The following TRAPPC9 variants were observed in gnomAD, a reference collection of about 807,000 sequenced individuals.
TRAPPC9 encodes IKK2 binding protein.
In TRAPPC9, 83 loss-of-function variants were observed where a neutral mutation model predicts 124.0. That is an observed-to-expected ratio of 0.67 (90% CI 0.56 to 0.80). The LOEUF is 0.80. Among genes scored for constraint, TRAPPC9 ranks in the 30% least tolerant of loss-of-function variants. The pLI is 0.00. For synonymous variants in TRAPPC9, 638 were observed against 617.5 expected (o/e 1.03, Z -0.49); for missense variants, 1,302 against 1,508.3 (o/e 0.86, Z 2.27).
intron 6 of TRAPPC9, among the ~76,000 whole-genome samples, chr8:140,398,191 T>G (rs575396348): frequency 6.6e-6 from 1 of 152,358 alleles, no homozygotes; most frequent in Admixed American, 6.5e-5. Context: ...ACCTCTTTCT[T>G]TTGTAAATTG....
intron 11 of TRAPPC9, among the ~76,000 whole-genome samples, chr8:140,297,333 T>TAG: frequency 7.5e-6 from 1 of 133,044 alleles, no homozygotes; most frequent in Non-Finnish European, 1.7e-5. Context: ...CACACACTCA[T>TAG]ACACACACAT....
chr8:139,910,391 C>T (rs1175598737), intron 19 of TRAPPC9, 91 bp from the exon 20 acceptor site: 5 of 1,250,202 alleles, frequency 4.0e-6, no homozygotes, highest in Non-Finnish European at 4.7e-6. Context: ...GCGTGAGACA[C>T]TATAATGAAT....
intron 3 of TRAPPC9, among the ~76,000 whole-genome samples, chr8:140,437,083 C>G (rs765854254): frequency 4.9e-4 from 75 of 152,102 alleles, no homozygotes; most frequent in Non-Finnish European, 9.3e-4. Context: ...CCTGCCTCAC[C>G]CTCACAAGTA....
chr8:140,402,536 A>G (rs1173624690), intron 6 of TRAPPC9, among the ~76,000 whole-genome samples: 1 of 152,186 alleles, frequency 6.6e-6, no homozygotes, highest in African/African-American at 2.4e-5. Context: ...TCTACAAAAA[A>G]TACAAAAAAA....
chr8:140,290,984 G>A lies in TRAPPC9; in HGVS notation c.1854+9C>T. On this transcript the variant is annotated intron_variant, in intron 12 of 22. Coordinates refer to ENST00000438773, the MANE Select transcript of TRAPPC9 (RefSeq NM_001160372.4). ...AGCCCAAAAAGGTCAAATGATTGGTGATACATACCATGTTTTCAACTCGAA... is the reference window on the plus strand; with the variant it reads ...AGCCCAAAAAGGTCAAATGATTGGTAATACATACCATGTTTTCAACTCGAA... 1 of 1,612,730 alleles carries A rather than the reference G, an allele frequency of 6.2e-7. No individual in the cohort carries two copies.
Position 140,307,217 on chromosome 8 carries a change from G to A in TRAPPC9, c.1622+4031C>T, listed in dbSNP as rs374650012. Among the ~76,000 whole-genome samples, 6 of 152,290 alleles carry A rather than the reference G, an allele frequency of 3.9e-5. No individual in the cohort carries two copies. In the South Asian group the frequency reaches 6.2e-4, roughly 16 times the overall value. On this transcript the variant is annotated intron_variant, in intron 10 of 22. Transcript: ENST00000438773. Reference sequence around the variant, plus strand: ...GCAAGAGGATGTGAGGCCTGGAGGTGATGAGCCACTCTGATAGCACCTGGG... The same window carrying A: ...GCAAGAGGATGTGAGGCCTGGAGGTAATGAGCCACTCTGATAGCACCTGGG...
chr8:140,376,832 G>C (rs537795714), intron 7 of TRAPPC9, among the ~76,000 whole-genome samples: 1 of 148,282 alleles, frequency 6.7e-6, no homozygotes, highest in Non-Finnish European at 1.5e-5. Flanking sequence ...AACCGAGATC[G>C]CGCCACTGCA....
At chr8:139,766,243 C>T (rs1176528942) in intron 21 of TRAPPC9, among the ~76,000 whole-genome samples, 3 of 152,234 alleles carry the variant, frequency 2.0e-5, no homozygotes, top group Non-Finnish European at 2.9e-5. Context: ...GTGTCTGCCA[C>T]CTGCTCAGGC....
intron 5 of TRAPPC9, among the ~76,000 whole-genome samples, chr8:140,413,657 C>G (rs1032211349): frequency 9.9e-6 from 1 of 100,634 alleles, no homozygotes; most frequent in Non-Finnish European, 1.9e-5. Context: ...CTATCCCTCC[C>G]CCCTCCCCCC....
chr8:140,419,851 A>T (rs919865876), intron 5 of TRAPPC9, among the ~76,000 whole-genome samples: 2 of 152,038 alleles, frequency 1.3e-5, no homozygotes, highest in Non-Finnish European at 2.9e-5. Context: ...GCGCCACTGC[A>T]CTCCAGATCG....
chr8:139,732,216 G>A lies in TRAPPC9; in HGVS notation c.3056-14C>T, dbSNP rs748174342. 1.1e-5 allele frequency: 18 copies of A among 1,567,096 alleles called. No individual in the cohort carries two copies. The highest frequency in any genetic ancestry group is 3.4e-5 in the South Asian group (3 of 87,020). ...CCACCAGCACATCTGTAAGGGACAC[G>A]AGACTGTCGGGGGCTGGGCTGGCCT... On this transcript the variant is annotated splice_polypyrimidine_tract_variant and intron_variant, in intron 21 of 22. Coordinates refer to ENST00000438773, the MANE Select transcript of TRAPPC9 (RefSeq NM_001160372.4).
At chr8:140,406,535 G>C (rs1237297383) in intron 5 of TRAPPC9, among the ~76,000 whole-genome samples, 1 of 152,130 alleles carries the variant, frequency 6.6e-6, no homozygotes, top group Admixed American at 6.5e-5. Context: ...CCCCTGTGCA[G>C]CTCACTTCTT....
chr8:139,941,337 G>T lies in TRAPPC9; in HGVS notation c.2811-31037C>A, dbSNP rs1833909529. ...AGTAGTTTGTCCACTTCCCTGGAGGGCCGGCAGCCCCTAGCCAGGAAGTGG... is the reference window on the plus strand; with the variant it reads ...AGTAGTTTGTCCACTTCCCTGGAGGTCCGGCAGCCCCTAGCCAGGAAGTGG... On this transcript the variant is annotated intron_variant, in intron 19 of 22. Coordinates refer to ENST00000438773, the MANE Select transcript of TRAPPC9 (RefSeq NM_001160372.4). 2.0e-5 allele frequency among the ~76,000 whole-genome samples: 3 copies of T among 152,228 alleles called. No homozygotes were observed. The South Asian group carries it at 6.2e-4, about 32-fold the overall frequency.
chr8:139,753,947 C>A (rs1486011903), intron 21 of TRAPPC9, among the ~76,000 whole-genome samples: 1 of 152,212 alleles, frequency 6.6e-6, no homozygotes, highest in Non-Finnish European at 1.5e-5. Context: ...GTTTGTGCAT[C>A]CCAATCCTGC....
intron 17 of TRAPPC9, among the ~76,000 whole-genome samples, chr8:140,151,996 G>A (rs758565056): frequency 1.3e-5 from 2 of 152,122 alleles, no homozygotes; most frequent in Non-Finnish European, 2.9e-5. Flanking sequence ...CTAAGACCAC[G>A]CACTGGGGAG....
rs568626532 is a variant in TRAPPC9 at position 140,443,928 on chromosome 8, C to T, written c.585-4731G>A. 4.7e-5 allele frequency among the ~76,000 whole-genome samples: 7 copies of T among 148,392 alleles called. No individual in the cohort carries two copies. In the East Asian group the frequency reaches 1.2e-3, roughly 26 times the overall value. ...GCGGGCTCCTGTAATCCCAGCTACT[C>T]GGGAGACTGAGGCAGGAGAATGGCC... is the stretch of plus-strand genomic sequence containing the variant. On this transcript the variant is annotated intron_variant, in intron 2 of 22. Coordinates refer to ENST00000438773, the MANE Select transcript of TRAPPC9 (RefSeq NM_001160372.4).
intron 16 of TRAPPC9, among the ~76,000 whole-genome samples, chr8:140,244,694 A>G (rs1193987859): frequency 6.6e-6 from 1 of 151,840 alleles, no homozygotes; most frequent in Non-Finnish European, 1.5e-5. Context: ...GATCTTCTGG[A>G]TAATTCCTTC....
chr8:140,033,751 A>C (rs1840702612), intron 17 of TRAPPC9, among the ~76,000 whole-genome samples: 1 of 127,106 alleles, frequency 7.9e-6, no homozygotes, highest in African/African-American at 3.0e-5. Flanking sequence ...GCGTGATCTC[A>C]GCTCACTGCA....
intron 9 of TRAPPC9, among the ~76,000 whole-genome samples, chr8:140,354,467 A>G (rs1425025945): frequency 1.3e-5 from 2 of 152,220 alleles, no homozygotes; most frequent in African/African-American, 2.4e-5. Flanking sequence ...GAGCCTTTCC[A>G]TGTAAATACT....
Sources: allele counts gnomAD v4.1 joint callset (sites outside exome capture counted in the v4.1 genomes callset), GRCh38; gene constraint gnomAD v4.1.1; transcripts MANE v1.5; gene names NCBI Gene and HGNC (gene_info 2026-07-23, HGNC 2026-07-21).